Variants in SAMD13 observed in about 807,000 individuals in gnomAD.
SAMD13 encodes sterile alpha motif domain containing 13.
A neutral mutation model predicts 12.4 loss-of-function variants in SAMD13; 9 were observed. The ratio of observed to expected loss-of-function variants is 0.72; its 90% CI spans 0.44 to 1.26. The LOEUF is 1.26. Among genes scored for constraint, SAMD13 ranks in the 50% most tolerant of loss-of-function variants. SAMD13 has a pLI of 0.00. For missense variants in SAMD13, 84 were observed against 119.6 expected (o/e 0.70, Z 1.39); for synonymous variants, 46 against 45.4 (o/e 1.01, Z -0.05).
chr1:84,321,770 G>A (rs1181870960), intron 2 of SAMD13, among the ~76,000 whole-genome samples: 1 of 152,150 alleles, frequency 6.6e-6, no homozygotes, highest in Non-Finnish European at 1.5e-5. Flanking sequence ...CATGTCAAAT[G>A]TTATCTGGCT....
chr1:84,316,072 TTTTTTGCTATAGAA>T (rs1678826957), intron 2 of SAMD13, among the ~76,000 whole-genome samples: 1 of 152,196 alleles, frequency 6.6e-6, no homozygotes, highest in Non-Finnish European at 1.5e-5. Flanking sequence ...AGTTATTAGT[TTTTTTGCTATAGAA>T]TTGTAAGCAT....
At position 84,325,855 on chromosome 1, in the gene SAMD13, G is replaced by A. The variant is rs1679048737; in HGVS notation, c.165+107G>A. On this transcript the variant is annotated intron_variant, in intron 3 of 3. Transcript: ENST00000394834. ...TGAGGAGGAAGAGGACCAAAGAGCA[G>A]GGAGGAATCAGTGAGGCTCTGAGAA... The A allele has an allele frequency of 8.7e-6, 6 of 687,634 alleles. No homozygotes were observed. The East Asian group carries it at 1.4e-4, about 16-fold the overall frequency. The allele number at this position is 687,634 out of a possible 1,614,324, so 42.6% of individuals were successfully genotyped here.
intron 3 of SAMD13, among the ~76,000 whole-genome samples, chr1:84,341,159 G>A (rs1359843730): frequency 2.6e-5 from 4 of 152,190 alleles, no homozygotes; most frequent in African/African-American, 7.2e-5. Flanking sequence ...CCAGCATGCA[G>A]GTTGGTCATA....
At chr1:84,322,702 T>C (rs940185927) in intron 2 of SAMD13, among the ~76,000 whole-genome samples, 5 of 152,186 alleles carry the variant, frequency 3.3e-5, no homozygotes, top group African/African-American at 1.2e-4. Context: ...AATGTATTGG[T>C]TGGTTTCTAA....
intron 3 of SAMD13, among the ~76,000 whole-genome samples, chr1:84,326,099 GGACAAACCT>G (rs1679054935): frequency 6.6e-6 from 1 of 152,110 alleles, no homozygotes; most frequent in South Asian, 2.1e-4. Flanking sequence ...GGAAAAGCAG[GGACAAACCT>G]GACTGAGAGA....
rs184327580 is a variant in SAMD13, at chr1:84,327,506, A to G, written c.165+1758A>G. On this transcript the variant is annotated intron_variant, in intron 3 of 3. Transcript: ENST00000394834. The stretch of plus-strand genomic sequence containing the variant: ...GGTGATGGTAACATTCTGTATCTTG[A>G]TACAGGCTTGGGTTACAGGTATGCA... Among the ~76,000 whole-genome samples the G allele has an allele frequency of 6.0e-3, 918 of 152,246 alleles. 4 individuals carry two copies. Among genetic ancestry groups the G allele is most frequent in the Non-Finnish European group, 7.6e-3 (514 of 68,028 alleles).
At chr1:84,338,336 C>T (rs1679347305) in intron 3 of SAMD13, among the ~76,000 whole-genome samples, 1 of 151,616 alleles carries the variant, frequency 6.6e-6, no homozygotes, top group Non-Finnish European at 1.5e-5. Context: ...GGGGAGGCCT[C>T]ACAACCATGG....
intron 2 of SAMD13, among the ~76,000 whole-genome samples, chr1:84,308,576 T>G (rs1274190338): frequency 6.6e-6 from 1 of 152,236 alleles, no homozygotes; most frequent in Non-Finnish European, 1.5e-5. Context: ...GAAGTTTACA[T>G]ATTTGTACTG....
intron 3 of SAMD13, among the ~76,000 whole-genome samples, chr1:84,344,348 T>A (rs1364013528): frequency 6.6e-6 from 1 of 152,136 alleles, no homozygotes; most frequent in Non-Finnish European, 1.5e-5. Flanking sequence ...CCCCACAGTG[T>A]ATATTATCCA....
intron 3 of SAMD13, among the ~76,000 whole-genome samples, chr1:84,343,490 G>C (rs904249176): frequency 6.6e-6 from 1 of 152,188 alleles, no homozygotes; most frequent in Non-Finnish European, 1.5e-5. Context: ...TAAAGAAAAC[G>C]TGGTACATAG....
intron 3 of SAMD13, among the ~76,000 whole-genome samples, chr1:84,329,600 G>T (rs315552): frequency 0.81 from 123,820 of 152,100 alleles, 51,705 homozygotes; most frequent in Non-Finnish European, 0.92. Flanking sequence ...TTAAGGTGGT[G>T]GTGTTTGCCT....
intron 3 of SAMD13, among the ~76,000 whole-genome samples, chr1:84,348,268 C>T (rs1026704620): frequency 2.6e-5 from 4 of 152,182 alleles, no homozygotes; most frequent in African/African-American, 9.7e-5. Context: ...TCTTCAGCCG[C>T]CTAGCCTGCT....
At chr1:84,306,229 G>T (rs1678569261) in intron 2 of SAMD13, among the ~76,000 whole-genome samples, 1 of 151,766 alleles carries the variant, frequency 6.6e-6, no homozygotes, top group Non-Finnish European at 1.5e-5. Flanking sequence ...TTCATGTTTT[G>T]GATGCTATTT....
At chr1:84,349,191 C>T (rs1026823196) in intron 3 of SAMD13, among the ~76,000 whole-genome samples, 11 of 152,160 alleles carry the variant, frequency 7.2e-5, no homozygotes, top group African/African-American at 2.2e-4. Context: ...CTTGATCCTT[C>T]GCTTGCCTGT....
At chr1:84,314,097 A>G (rs1329401458) in intron 2 of SAMD13, among the ~76,000 whole-genome samples, 1 of 152,042 alleles carries the variant, frequency 6.6e-6, no homozygotes, top group Non-Finnish European at 1.5e-5. Flanking sequence ...GAGTTTCAAA[A>G]CTCTGACTTT....
intron 2 of SAMD13, among the ~76,000 whole-genome samples, chr1:84,322,842 A>G (rs1318496807): frequency 2.0e-5 from 3 of 152,170 alleles, no homozygotes; most frequent in African/African-American, 7.2e-5. Flanking sequence ...TGCTATACTC[A>G]AGAATATTTC....
At chr1:84,340,212 A>G (rs1382539686) in intron 3 of SAMD13, among the ~76,000 whole-genome samples, 2 of 152,234 alleles carry the variant, frequency 1.3e-5, no homozygotes, top group Admixed American at 6.5e-5. Context: ...GATTTTTAAA[A>G]TGTGCTGTAT....
chr1:84,325,929 A>G (rs895240181), intron 3 of SAMD13, among the ~76,000 whole-genome samples, 181 bp downstream of exon 3: 4 of 152,162 alleles, frequency 2.6e-5, no homozygotes, highest in Admixed American at 2.6e-4. Context: ...CCCTTTGTGC[A>G]AGGGGAAAAC....
intron 3 of SAMD13, among the ~76,000 whole-genome samples, chr1:84,331,097 A>C (rs1679169328): frequency 6.6e-6 from 1 of 152,118 alleles, no homozygotes; most frequent in Non-Finnish European, 1.5e-5. Flanking sequence ...CTGGCTTAAT[A>C]AAAAATAAAT....
Sources: allele counts gnomAD v4.1 joint callset (sites outside exome capture counted in the v4.1 genomes callset), GRCh38; gene constraint gnomAD v4.1.1; transcripts MANE v1.5; gene names NCBI Gene and HGNC (gene_info 2026-07-23, HGNC 2026-07-21).